CRIM1: variants seen among roughly 807,000 people sequenced by gnomAD.
The protein encoded by CRIM1 is cysteine-rich motor neuron 1 protein.
In CRIM1, 32 loss-of-function variants were observed where a neutral mutation model predicts 116.4. The observed-to-expected ratio is 0.27, with a 90% CI of 0.21 to 0.37. CRIM1 has a LOEUF of 0.37. CRIM1 is among the 10% of genes least tolerant of loss of function. The pLI is 1.00. For synonymous variants in CRIM1, 590 were observed against 509.2 expected, an observed-to-expected ratio of 1.16 and a Z score of -2.13; for missense variants, 1,331 against 1,354.8, an observed-to-expected ratio of 0.98 and a Z score of 0.28.
intron 13 of CRIM1, among the ~76,000 whole-genome samples, chr2:36,528,670 G>T (rs116453782): frequency 1.5e-4 from 23 of 152,298 alleles, no homozygotes; most frequent in Non-Finnish European, 2.9e-4. Flanking sequence ...CGGAGGCCCA[G>T]GTTGTCACAG....
intron 11 of CRIM1, among the ~76,000 whole-genome samples, chr2:36,516,897 G>A (rs1217189005): frequency 3.3e-5 from 5 of 152,314 alleles, no homozygotes; most frequent in Admixed American, 3.3e-4. Context: ...TAAGGTGACT[G>A]TAAGGAATAA....
At chr2:36,437,428 TA>T (rs11284493) in intron 2 of CRIM1, among the ~76,000 whole-genome samples, 31,458 of 151,560 alleles carry the variant, frequency 0.21, 3,892 homozygotes, top group East Asian at 0.55. Context: ...AAGGCCAACA[TA>T]AAAAGAGAGA....
intron 2 of CRIM1, among the ~76,000 whole-genome samples, chr2:36,424,541 G>A (rs917250113): frequency 2.0e-4 from 31 of 152,184 alleles, no homozygotes; most frequent in African/African-American, 7.5e-4. Flanking sequence ...CCACAGTAGG[G>A]CTGTGTCCTT....
At chr2:36,426,448 G>A (rs1674457123) in intron 2 of CRIM1, among the ~76,000 whole-genome samples, 5 of 152,140 alleles carry the variant, frequency 3.3e-5, no homozygotes, top group Admixed American at 3.3e-4. Context: ...ATCAAACATT[G>A]TGTATGTTTT....
In CRIM1 at chr2:36,383,749, G is replaced by T. The variant is rs182709832; in HGVS notation, c.332-12865G>T. ...GAAAATCAGACTTCTTTGAAGAAAAGATACTTAAGCTGGGCACACTATGGT... is the reference window on the plus strand; with the variant it reads ...GAAAATCAGACTTCTTTGAAGAAAATATACTTAAGCTGGGCACACTATGGT... On this transcript the variant is annotated intron_variant, in intron 1 of 16. Coordinates refer to ENST00000280527, the MANE Select transcript of CRIM1 (RefSeq NM_016441.3). Among the ~76,000 whole-genome samples the T allele has an allele frequency of 2.2e-3, 338 of 152,294 alleles. 1 individual carries two copies. The highest frequency in any genetic ancestry group is 0.01 in the Middle Eastern group (3 of 294).
intron 1 of CRIM1, among the ~76,000 whole-genome samples, chr2:36,393,213 T>C (rs1671754356): frequency 6.6e-6 from 1 of 152,178 alleles, no homozygotes; most frequent in Admixed American, 6.5e-5. Flanking sequence ...AGAGTAATGA[T>C]AGATGATGCC....
intron 2 of CRIM1, among the ~76,000 whole-genome samples, chr2:36,418,524 C>T (rs1369970248): frequency 6.6e-6 from 1 of 152,186 alleles, no homozygotes; most frequent in Non-Finnish European, 1.5e-5. Flanking sequence ...TGGGCTCAGG[C>T]AGTCCACCCA....
chr2:36,440,222 A>G (rs1473768411), intron 2 of CRIM1, among the ~76,000 whole-genome samples: 1 of 152,224 alleles, frequency 6.6e-6, no homozygotes. Context: ...CTTTATCTAC[A>G]AAATGAGAAA....
Position 36,360,355 on chromosome 2 carries a change from G to A in CRIM1, c.331+3732G>A, listed in dbSNP as rs115565670. On this transcript the variant is annotated intron_variant, in intron 1 of 16. Coordinates refer to ENST00000280527, the MANE Select transcript of CRIM1 (RefSeq NM_016441.3). ...TTCAGGTGATAGCTAGATCAGATAA[G>A]CACCAATTTTTTTCTTGGTGACTAT... Among the ~76,000 whole-genome samples, 359 of 152,284 alleles carry A rather than the reference G, an allele frequency of 2.4e-3. 3 individuals carry two copies. Among genetic ancestry groups the A allele is most frequent in the African/African-American group, 8.3e-3 (343 of 41,546 alleles).
intron 4 of CRIM1, among the ~76,000 whole-genome samples, chr2:36,460,611 T>C (rs996961902): frequency 1.3e-5 from 2 of 152,228 alleles, no homozygotes; most frequent in South Asian, 4.1e-4. Context: ...TGCAAATAGC[T>C]CTGCCTGGGG....
intron 5 of CRIM1, among the ~76,000 whole-genome samples, chr2:36,467,391 CAT>C (rs1473151797): frequency 6.6e-6 from 1 of 152,148 alleles, no homozygotes; most frequent in Non-Finnish European, 1.5e-5. Context: ...CATACACACA[CAT>C]ATATATTGAT....
At chr2:36,397,569 A>C (rs867062171) in intron 2 of CRIM1, among the ~76,000 whole-genome samples, 4 of 152,106 alleles carry the variant, frequency 2.6e-5, no homozygotes, top group African/African-American at 9.7e-5. Flanking sequence ...TGAAAGAGGC[A>C]TTCTTAAATA....
intron 2 of CRIM1, among the ~76,000 whole-genome samples, chr2:36,435,237 C>T (rs764202543): frequency 4.6e-5 from 7 of 152,066 alleles, no homozygotes; most frequent in African/African-American, 1.7e-4. Context: ...ACTAAATTTC[C>T]GCTATCAAAT....
chr2:36,477,846 A>C (rs955815795), intron 6 of CRIM1, among the ~76,000 whole-genome samples: 3 of 152,228 alleles, frequency 2.0e-5, no homozygotes, highest in African/African-American at 7.2e-5. Context: ...AGAAGAGAAA[A>C]GTCACTTGCC....
Position 36,547,098 on chromosome 2 carries a change from T to C in CRIM1, c.2861T>C (p.Ile954Thr), listed in dbSNP as rs1346777567. 1.2e-6 allele frequency: 2 copies of C among 1,612,952 alleles called. No homozygotes were observed. Among genetic ancestry groups the C allele is most frequent in the East Asian group, 4.5e-5 (2 of 44,852 alleles). ...CCCATAATTATATGCCTCTCTATTATAATAGCATTCCTATTCATCAATCAG... is the reference window on the plus strand; with the variant it reads ...CCCATAATTATATGCCTCTCTATTACAATAGCATTCCTATTCATCAATCAG... ...VVPIIICLSI[I>T]IAFLFINQKK... The change falls in exon 16 of 17, where the codon ATA becomes ACA. Residue 954 changes from isoleucine (I) to threonine (T), a missense_variant. By Grantham distance (89) the Ile-to-Thr change is moderately conservative (BLOSUM62 -1). Transcript: ENST00000280527.
chr2:36,425,526 T>C (rs1341082380), intron 2 of CRIM1, among the ~76,000 whole-genome samples: 1 of 152,258 alleles, frequency 6.6e-6, no homozygotes, highest in African/African-American at 2.4e-5. Flanking sequence ...TCTAAGTTAT[T>C]TTCCAATATA....
At chr2:36,374,325 A>ATGT (rs1670156100) in intron 1 of CRIM1, among the ~76,000 whole-genome samples, 1 of 152,202 alleles carries the variant, frequency 6.6e-6, no homozygotes, top group African/African-American at 2.4e-5. Context: ...CTGGAGCCAA[A>ATGT]TGTTGGGCCC....
chr2:36,380,200 C>T (rs1338004018), intron 1 of CRIM1, among the ~76,000 whole-genome samples: 1 of 152,216 alleles, frequency 6.6e-6, no homozygotes, highest in African/African-American at 2.4e-5. Context: ...GCTCTGCATC[C>T]TTCTCCACAA....
intron 2 of CRIM1, among the ~76,000 whole-genome samples, chr2:36,403,748 A>G (rs1047038749): frequency 6.6e-6 from 1 of 152,218 alleles, no homozygotes; most frequent in Non-Finnish European, 1.5e-5. Flanking sequence ...GATAGGATAT[A>G]TTGTGGTGTC....
Sources: allele counts gnomAD v4.1 joint callset (sites outside exome capture counted in the v4.1 genomes callset), GRCh38; gene constraint gnomAD v4.1.1; transcripts MANE v1.5; gene names NCBI Gene and HGNC (gene_info 2026-07-23, HGNC 2026-07-21).